ALMS1: variants seen among roughly 807,000 people sequenced by gnomAD.
ALMS1 encodes the protein ALMS1 centrosome and basal body associated protein, also known as centrosome-associated protein ALMS1.
ALMS1 carries 271 observed loss-of-function variants against 352.2 expected under a neutral mutation model. That is an observed-to-expected ratio of 0.77 (90% CI 0.70 to 0.85). The LOEUF is 0.85. Ranked by LOEUF, ALMS1 falls within the 40% of genes least tolerant of loss-of-function variation. The pLI is 0.00. For synonymous variants in ALMS1, 1,865 were observed against 1,761.2 expected (o/e 1.06, Z -1.48); for missense variants, 5,445 against 4,870.7 (o/e 1.12, Z -3.51).
Position 73,386,096 on chromosome 2 carries a change from C to T in ALMS1, c.228C>T (p.Ala76=), listed in dbSNP as rs755847221. 3.8e-6 allele frequency: 6 copies of T among 1,594,560 alleles called. No individual in the cohort carries two copies. Among genetic ancestry groups the T allele is most frequent in the Admixed American group, 1.7e-5 (1 of 57,270 alleles). The part of the protein sequence containing the change: ...ESIDDEEDEE[A]KAWLQAHPGR... ...TAGACGACGAGGAGGACGAGGAGGC[C>T]AAGGCCTGGCTGCAGGCGCACCCCG... Residue 76 remains alanine, a synonymous_variant, in exon 1 of 23, where the codon GCC becomes GCT. Coordinates refer to ENST00000613296, the MANE Select transcript of ALMS1 (RefSeq NM_001378454.1).
intron 9 of ALMS1, among the ~76,000 whole-genome samples, chr2:73,464,236 G>A (rs1672274558): frequency 6.6e-6 from 1 of 152,136 alleles, no homozygotes; most frequent in Non-Finnish European, 1.5e-5. Context: ...ACATCAAAAA[G>A]CTTATCCACC....
chr2:73,387,828 C>T (rs865948538), intron 1 of ALMS1, among the ~76,000 whole-genome samples: 1 of 151,938 alleles, frequency 6.6e-6, no homozygotes, highest in Non-Finnish European at 1.5e-5. Flanking sequence ...CAGCATTGCC[C>T]GGCAAAAGAT....
intron 16 of ALMS1, among the ~76,000 whole-genome samples, chr2:73,584,331 C>A (rs927997733): frequency 1.3e-5 from 2 of 152,158 alleles, no homozygotes; most frequent in Non-Finnish European, 1.5e-5. Flanking sequence ...TTTATAAGAT[C>A]ATGAGTTATT....
intron 7 of ALMS1, among the ~76,000 whole-genome samples, chr2:73,435,831 G>T (rs1671595204): frequency 6.6e-6 from 1 of 152,116 alleles, no homozygotes; most frequent in African/African-American, 2.4e-5. Context: ...GGCTCAAGCA[G>T]TCCTCCCACC....
chr2:73,546,684 A>G (rs899356810), intron 12 of ALMS1, among the ~76,000 whole-genome samples: 2 of 152,190 alleles, frequency 1.3e-5, no homozygotes, highest in African/African-American at 4.8e-5. Context: ...ACTCTAGAGG[A>G]TGGGAATGAA....
rs190266221 is a variant in ALMS1, at chr2:73,574,323, C to T, written c.11547+899C>T. ...CCCAAGAGGAAAATTTCAAGTATCA[C>T]TAGACATGCTCTCCAAAGAAGGATG... is the stretch of plus-strand genomic sequence containing the variant. On this transcript the variant is annotated intron_variant, in intron 16 of 22. Transcript: ENST00000613296. Among the ~76,000 whole-genome samples, 133 of 152,246 alleles carry T rather than the reference C, an allele frequency of 8.7e-4. 1 individual carries two copies. The highest frequency in any genetic ancestry group is 1.9e-4 in the Non-Finnish European group (13 of 68,004).
intron 10 of ALMS1, among the ~76,000 whole-genome samples, chr2:73,518,980 C>T (rs931276238): frequency 5.3e-5 from 8 of 152,118 alleles, no homozygotes; most frequent in Admixed American, 2.0e-4. Context: ...TTGGTGTCTT[C>T]GTCGTGAAAT....
At position 73,449,694 on chromosome 2, in the gene ALMS1, C is replaced by G; in HGVS notation, c.3167C>G (p.Pro1056Arg). 2 of 1,614,058 alleles carry G rather than the reference C, an allele frequency of 1.2e-6. No homozygotes were observed. The highest frequency in any genetic ancestry group is 1.7e-6 in the Non-Finnish European group (2 of 1,179,958). The change falls in exon 8 of 23, where the codon CCT becomes CGT. Residue 1056 changes from proline to arginine, a missense_variant. By Grantham distance (103) the Pro-to-Arg change is moderately radical. Transcript: ENST00000613296. ...QSSSYPQREK[P>R]SVLYPQVLSD... Reference sequence around the variant, plus strand: ...AGTTCTTACCCACAGAGGGAGAAGCCTAGTGTTTTGTACCCACAGGTGTTA... The same window carrying G: ...AGTTCTTACCCACAGAGGGAGAAGCGTAGTGTTTTGTACCCACAGGTGTTA...
chr2:73,570,970 C>G (rs1674914615), intron 15 of ALMS1, among the ~76,000 whole-genome samples: 1 of 152,152 alleles, frequency 6.6e-6, no homozygotes, highest in South Asian at 2.1e-4. Flanking sequence ...CTTATATCAG[C>G]TTGTTTTTGT....
intron 13 of ALMS1, among the ~76,000 whole-genome samples, chr2:73,552,756 G>T (rs1674465275): frequency 6.6e-6 from 1 of 152,278 alleles, no homozygotes; most frequent in East Asian, 1.9e-4. Flanking sequence ...GAATAGAGGA[G>T]AGAATGCCTG....
chr2:73,466,769 A>AT (rs1347660933), intron 9 of ALMS1, among the ~76,000 whole-genome samples: 1 of 152,164 alleles, frequency 6.6e-6, no homozygotes, highest in Non-Finnish European at 1.5e-5. Flanking sequence ...AAATAAAGCT[A>AT]AATACTTAAG....
At chr2:73,603,965 A>T (rs796098153) in intron 21 of ALMS1, 2 of 152,840 alleles carry the variant, frequency 1.3e-5, no homozygotes, top group African/African-American at 4.8e-5. Flanking sequence ...CCATAGGGTG[A>T]GAAAGAACAG....
chr2:73,450,860 C>G lies in ALMS1; in HGVS notation c.4333C>G (p.His1445Asp). 1 of 1,614,088 alleles carries G rather than the reference C, an allele frequency of 6.2e-7. No individual in the cohort carries two copies. Among genetic ancestry groups the G allele is most frequent in the Non-Finnish European group, 8.5e-7 (1 of 1,179,996 alleles). The change falls in exon 8 of 23, where the codon CAT (histidine) becomes GAT (aspartate). Residue 1445 changes from histidine to aspartate, a missense_variant. His to Asp is a moderately conservative substitution (Grantham distance 81). Transcript: ENST00000613296. ...PGSFYQQVLPHSHLPEEALEV... is the reference protein window; with the variant it reads ...PGSFYQQVLPDSHLPEEALEV... ...TAGTTTCTACCAACAGGTCTTGCCACATAGTCATCTACCTGAAGAGGCTTT... is the reference window on the plus strand; with the variant it reads ...TAGTTTCTACCAACAGGTCTTGCCAGATAGTCATCTACCTGAAGAGGCTTT...
chr2:73,392,602 G>A (rs1670673633), intron 1 of ALMS1, among the ~76,000 whole-genome samples: 1 of 152,154 alleles, frequency 6.6e-6, no homozygotes, highest in South Asian at 2.1e-4. Flanking sequence ...GGAATGATAT[G>A]TGTTTTTGTG....
intron 1 of ALMS1, among the ~76,000 whole-genome samples, chr2:73,403,585 A>C (rs1423018746): frequency 6.6e-6 from 1 of 152,018 alleles, no homozygotes; most frequent in African/African-American, 2.4e-5. Flanking sequence ...TGGCATTTTC[A>C]TAAGGATTGT....
intron 2 of ALMS1, among the ~76,000 whole-genome samples, chr2:73,417,197 T>G (rs1370566985): frequency 2.0e-5 from 3 of 151,896 alleles, no homozygotes; most frequent in African/African-American, 7.3e-5. Flanking sequence ...AGAGAAAAAA[T>G]AGATATATTC....
In ALMS1 at chr2:73,487,125, G is replaced by C. The variant is rs113143419; in HGVS notation, c.7675-2509G>C. ...CAGTTTGCAAGCTGGAAACCACTGTGGCCAGCAGCACCTTCTGCCTGAGTA... is the reference window on the plus strand; with the variant it reads ...CAGTTTGCAAGCTGGAAACCACTGTCGCCAGCAGCACCTTCTGCCTGAGTA... On this transcript the variant is annotated intron_variant, in intron 9 of 22. Coordinates refer to ENST00000613296, the MANE Select transcript of ALMS1 (RefSeq NM_001378454.1). Among the ~76,000 whole-genome samples, 618 of 152,308 alleles carry C rather than the reference G, an allele frequency of 4.1e-3. 6 individuals carry two copies. The highest frequency in any genetic ancestry group is 0.012 in the African/African-American group (515 of 41,560).
chr2:73,443,058 A>G (rs1430929962), intron 7 of ALMS1, among the ~76,000 whole-genome samples: 1 of 152,096 alleles, frequency 6.6e-6, no homozygotes, highest in Non-Finnish European at 1.5e-5. Context: ...TCAGACTCCC[A>G]TTCTCTTTTC....
At chr2:73,407,309 T>C (rs1180927312) in intron 1 of ALMS1, among the ~76,000 whole-genome samples, 6 of 152,208 alleles carry the variant, frequency 3.9e-5, no homozygotes, top group Non-Finnish European at 7.3e-5. Context: ...AATTCATTCA[T>C]GAGAGCCCAG....
Sources: gnomAD v4.1 joint callset for allele counts (sites outside exome capture counted in the v4.1 genomes callset) on GRCh38, gnomAD v4.1.1 for gene constraint, MANE v1.5 for transcripts, NCBI Gene and HGNC (gene_info 2026-07-23, HGNC 2026-07-21) for gene names.